MYOF: variants seen among roughly 807,000 people sequenced by gnomAD.
MYOF encodes the protein fer-1-like 3, myoferlin.
In MYOF, 244 loss-of-function variants were observed where a neutral mutation model predicts 284.2. That is an observed-to-expected ratio of 0.86 (90% CI 0.77 to 0.95). MYOF has a LOEUF of 0.95. Among genes scored for constraint, MYOF ranks in the 40% least tolerant of loss-of-function variants. The pLI is 0.00. For synonymous variants in MYOF, 904 were observed against 919.7 expected, an observed-to-expected ratio of 0.98 and a Z score of 0.31; for missense variants, 2,496 against 2,560.6, an observed-to-expected ratio of 0.97 and a Z score of 0.54.
At chr10:93,348,832 G>A (rs1206695546) in intron 36 of MYOF, among the ~76,000 whole-genome samples, 1 of 152,106 alleles carries the variant, frequency 6.6e-6, no homozygotes, top group Non-Finnish European at 1.5e-5. Context: ...GATTAAAGAC[G>A]AGGTGTACCA....
chr10:93,374,220 C>T (rs1173059141), intron 23 of MYOF, among the ~76,000 whole-genome samples: 10 of 152,178 alleles, frequency 6.6e-5, no homozygotes, highest in Non-Finnish European at 4.4e-5. Flanking sequence ...CATAGTAGTC[C>T]ATGGTGTATA....
chr10:93,333,710 A>G, intron 42 of MYOF, 48 bp downstream of exon 42: 6 of 1,596,678 alleles, frequency 3.8e-6, no homozygotes, highest in Non-Finnish European at 4.3e-6. Flanking sequence ...GTGGCTGATG[A>G]CTGTAATTAT....
chr10:93,448,985 ACT>A lies in MYOF; in HGVS notation c.236+3063_236+3064del, dbSNP rs79618498. Reference sequence around the variant, plus strand: ...ACTCCAGCCTGGGTGACAGAGTGAGACTCTGTCTCAAAAAAAAAGCAAGAGGG... The same window carrying A: ...ACTCCAGCCTGGGTGACAGAGTGAGACTGTCTCAAAAAAAAAGCAAGAGGG... On this transcript the variant is annotated intron_variant, in intron 3 of 53. Transcript: ENST00000359263. Among the ~76,000 whole-genome samples the A allele has an allele frequency of 0.05, 7,582 of 151,844 alleles. 1,187 individuals carry two copies. In the East Asian group the frequency reaches 0.63, roughly 13 times the overall value.
intron 37 of MYOF, among the ~76,000 whole-genome samples, chr10:93,344,519 G>T (rs1589420338): frequency 1.3e-5 from 2 of 152,044 alleles, no homozygotes; most frequent in Middle Eastern, 3.4e-3. Flanking sequence ...ATCTAAAGGA[G>T]TCTTCTTTTC....
intron 33 of MYOF, 41 bp from the exon 34 acceptor site, chr10:93,351,612 C>T (rs1844518416): frequency 1.2e-6 from 2 of 1,605,238 alleles, no homozygotes; most frequent in East Asian, 2.2e-5. Context: ...CGACAATCAT[C>T]CCTTCAAATC....
intron 26 of MYOF, among the ~76,000 whole-genome samples, chr10:93,365,306 C>A (rs906854527): frequency 6.6e-6 from 1 of 152,210 alleles, no homozygotes; most frequent in Non-Finnish European, 1.5e-5. Context: ...CATAAGATGG[C>A]AAGAAGAGGG....
intron 3 of MYOF, among the ~76,000 whole-genome samples, chr10:93,438,229 T>G (rs1282182536): frequency 6.6e-6 from 1 of 152,138 alleles, no homozygotes; most frequent in Non-Finnish European, 1.5e-5. Flanking sequence ...CAATTCCTAC[T>G]TGCCCATGCT....
chr10:93,399,535 T>C lies in MYOF; in HGVS notation c.1118-40A>G, dbSNP rs371317895. 5.5e-5 allele frequency: 83 copies of C among 1,522,108 alleles called. No individual in the cohort carries two copies. In the African/African-American group the frequency reaches 1.0e-3, roughly 18 times the overall value. 94.3% of individuals were successfully genotyped at this position (1,522,108 alleles called of 1,614,324 possible). A position where few individuals can be genotyped will look rare whatever the true frequency, so the allele number is the denominator to read the frequency against. On this transcript the variant is annotated intron_variant, in intron 12 of 53. Transcript: ENST00000359263. ...TTATACAGCAGAAATTAAATTCAATTCCCAGAAATTTGGCAAAATTTTAAA... is the reference window on the plus strand; with the variant it reads ...TTATACAGCAGAAATTAAATTCAATCCCCAGAAATTTGGCAAAATTTTAAA...
chr10:93,421,216 C>CA (rs891282155), intron 5 of MYOF, among the ~76,000 whole-genome samples: 4 of 150,536 alleles, frequency 2.7e-5, no homozygotes, highest in Admixed American at 6.6e-5. Context: ...GATTCCACTT[C>CA]AAAAAAAAGA....
At position 93,377,398 on chromosome 10, in the gene MYOF, A is replaced by G; in HGVS notation, c.2033T>C (p.Ile678Thr). Residue 678 changes from isoleucine to threonine, a missense_variant, in exon 22 of 54, where the codon ATA becomes ACA. Ile to Thr is a moderately conservative substitution (Grantham distance 89, BLOSUM62 -1). Around this residue, in one of 3 missense-constraint regions of MYOF, gnomAD observed 2,436 missense variants for 2,480.7 expected, o/e 0.98. Coordinates refer to ENST00000359263, the MANE Select transcript of MYOF (RefSeq NM_013451.4). Reference protein sequence around the residue: ...QTNIEALKSGIQGKIPANQLA... With the variant: ...QTNIEALKSGTQGKIPANQLA... ...CTGGTTTGCAGGAATTTTACCTTGTATCCCTGATTTTAGAGCTTCTATATT... is the reference window on the plus strand; with the variant it reads ...CTGGTTTGCAGGAATTTTACCTTGTGTCCCTGATTTTAGAGCTTCTATATT... The G allele has an allele frequency of 6.2e-7, 1 of 1,614,034 alleles. No homozygotes were observed. The highest frequency in any genetic ancestry group is 8.5e-7 in the Non-Finnish European group (1 of 1,179,926).
At chr10:93,320,716 T>C (rs1444225436) in intron 48 of MYOF, among the ~76,000 whole-genome samples, 9 of 152,188 alleles carry the variant, frequency 5.9e-5, no homozygotes, top group East Asian at 1.9e-4. Context: ...CAGAAAGAAG[T>C]TGTTGCTACT....
At chr10:93,353,775 T>C in intron 32 of MYOF, 36 bp downstream of exon 32, 1 of 1,493,924 alleles carries the variant, frequency 6.7e-7, no homozygotes, top group South Asian at 1.2e-5. Flanking sequence ...GCATGCTATG[T>C]AATCATGTGT....
intron 1 of MYOF, among the ~76,000 whole-genome samples, chr10:93,480,439 T>G (rs1221101482): frequency 6.6e-6 from 1 of 151,912 alleles, no homozygotes; most frequent in Admixed American, 6.6e-5. Context: ...CTTTAGATTT[T>G]TTTTTTAACC....
chr10:93,396,709 T>A (rs1847028977), intron 15 of MYOF, among the ~76,000 whole-genome samples: 1 of 152,222 alleles, frequency 6.6e-6, no homozygotes, highest in African/African-American at 2.4e-5. Context: ...TTGTCATGTT[T>A]CCACTGTCAG....
Position 93,389,066 on chromosome 10 carries a change from T to A in MYOF, c.1545A>T (p.Gly515=). The A allele has an allele frequency of 6.2e-7, 1 of 1,614,052 alleles. No homozygotes were observed. Among genetic ancestry groups the A allele is most frequent in the Non-Finnish European group, 8.5e-7 (1 of 1,179,972 alleles). The change falls in exon 18 of 54, where the codon GGA becomes GGT. Residue 515 remains glycine (G), a synonymous_variant. Coordinates refer to ENST00000359263, the MANE Select transcript of MYOF (RefSeq NM_013451.4). The stretch of plus-strand genomic sequence containing the variant: ...TCAGCTCATCATAGGGGTCTGGGAA[T>A]CCCGTGTACTCTCTGGGGCTTCCAT... ...NLYGSPREYT[G]FPDPYDELNT...
rs769443805 is a variant in MYOF, at chr10:93,343,874, T to A, written c.4308A>T (p.Lys1436Asn). The change falls in exon 38 of 54, where the codon AAA (lysine) becomes AAT (asparagine). Residue 1436 changes from lysine to asparagine, a missense_variant. This residue lies in a region of MYOF where 2,436 missense variants were observed against 2,480.7 expected (regional missense o/e 0.98). Coordinates refer to ENST00000359263, the MANE Select transcript of MYOF (RefSeq NM_013451.4). The part of the protein sequence containing the change: ...RDIVIEMEDT[K>N]PLLASKLTEK... ...AGCCTACCTTAGAAGCCAGTAATGG[T>A]TTGGTGTCTTCCATTTCGATAACGA... 6.2e-7 allele frequency: 1 copy of A among 1,614,138 alleles called. No individual in the cohort carries two copies. The highest frequency in any genetic ancestry group is 1.7e-5 in the Admixed American group (1 of 60,020).
chr10:93,356,994 G>A, intron 29 of MYOF, 146 bp from the exon 30 acceptor site: 1 of 875,782 alleles, frequency 1.1e-6, no homozygotes, highest in Non-Finnish European at 1.7e-6. Context: ...CAGGAATACA[G>A]AAAAGAAAAA....
chr10:93,474,687 A>G (rs1448459931), intron 1 of MYOF, among the ~76,000 whole-genome samples: 1 of 152,068 alleles, frequency 6.6e-6, no homozygotes, highest in African/African-American at 2.4e-5. Flanking sequence ...TCACATGTAC[A>G]TTAATTTAAT....
At chr10:93,389,003 A>G in intron 18 of MYOF, 27 bp downstream of exon 18, 1 of 1,607,696 alleles carries the variant, frequency 6.2e-7, no homozygotes, top group South Asian at 1.1e-5. Context: ...AATGCTGATT[A>G]ATAACCACCT....
Sources: allele counts gnomAD v4.1 joint callset (sites outside exome capture counted in the v4.1 genomes callset), GRCh38; gene constraint gnomAD v4.1.1; regional missense constraint gnomAD v4.1.1; transcripts MANE v1.5; gene names NCBI Gene and HGNC (gene_info 2026-07-23, HGNC 2026-07-21).